CRLF3: variants seen among roughly 807,000 people sequenced by gnomAD.
CRLF3 encodes cytokine receptor-like factor 3.
Under a neutral mutation model 55.0 loss-of-function variants are expected in CRLF3, and 33 were observed. The observed-to-expected ratio is 0.60, with a 90% CI of 0.46 to 0.80. The LOEUF is 0.80. CRLF3 is among the 30% of genes least tolerant of loss of function. The pLI, the probability that CRLF3 is intolerant of heterozygous loss-of-function variation, is 0.00. For missense variants in CRLF3, 494 were observed against 538.4 expected (o/e 0.92, Z 0.82); for synonymous variants, 238 against 196.8 (o/e 1.21, Z -1.75).
intron 1 of CRLF3, among the ~76,000 whole-genome samples, chr17:30,811,100 A>T (rs1904602502): frequency 6.6e-6 from 1 of 152,040 alleles, no homozygotes; most frequent in African/African-American, 2.4e-5. Flanking sequence ...AAAATAACCA[A>T]ACAAACAAAA....
chr17:30,812,547 A>G (rs1337015274), intron 1 of CRLF3, among the ~76,000 whole-genome samples: 1 of 152,166 alleles, frequency 6.6e-6, no homozygotes, highest in Non-Finnish European at 1.5e-5. Context: ...TAGAAAAAAA[A>G]GTGCTTAATT....
intron 1 of CRLF3, among the ~76,000 whole-genome samples, chr17:30,817,002 A>T (rs1285856070): frequency 2.0e-5 from 3 of 152,102 alleles, no homozygotes; most frequent in Non-Finnish European, 4.4e-5. Flanking sequence ...TTGACTGTAT[A>T]TGTGTGGCTT....
chr17:30,792,171 TCTACTTACC>T (rs1197486272), intron 6 of CRLF3, among the ~76,000 whole-genome samples: 4 of 152,012 alleles, frequency 2.6e-5, no homozygotes, highest in African/African-American at 9.7e-5. Flanking sequence ...TGAGAGATAC[TCTACTTACC>T]TCTACTTACC....
chr17:30,785,790 AAAAAAAG>A (rs1971630271), intron 7 of CRLF3, 122 bp downstream of exon 7: 31 of 582,350 alleles, frequency 5.3e-5, no homozygotes, highest in Non-Finnish European at 8.3e-5. Context: ...ATAAAAAAAA[AAAAAAAG>A]AAAAAGAAAA....
intron 1 of CRLF3, among the ~76,000 whole-genome samples, chr17:30,814,675 T>A (rs1046820917): frequency 1.3e-4 from 20 of 150,564 alleles, no homozygotes; most frequent in Non-Finnish European, 2.7e-4. Flanking sequence ...AAAAAATAGT[T>A]CTCTATCAAA....
At chr17:30,793,404 T>TCTGTG in intron 5 of CRLF3, 46 bp downstream of exon 5, 2 of 1,456,282 alleles carry the variant, frequency 1.4e-6, no homozygotes, top group Non-Finnish European at 1.9e-6. Context: ...ATACAGGTAT[T>TCTGTG]CTAATATATA....
At chr17:30,824,351 C>T (rs1905078802) in intron 1 of CRLF3, among the ~76,000 whole-genome samples, 172 bp downstream of exon 1, 1 of 151,902 alleles carries the variant, frequency 6.6e-6, no homozygotes, top group Admixed American at 6.6e-5. Context: ...TACGACCTCC[C>T]CAACTCCCAC....
At chr17:30,820,095 T>A (rs984597629) in intron 1 of CRLF3, among the ~76,000 whole-genome samples, 1 of 152,228 alleles carries the variant, frequency 6.6e-6, no homozygotes, top group Non-Finnish European at 1.5e-5. Context: ...TAGGCCAAGT[T>A]GGCTGTAAAC....
At chr17:30,793,752 G>T in intron 4 of CRLF3, 80 bp from the exon 5 acceptor site, 1 of 971,770 alleles carries the variant, frequency 1.0e-6, no homozygotes, top group Non-Finnish European at 1.6e-6. Context: ...TTTGAACGGA[G>T]CCATTTTGGA....
Position 30,783,516 on chromosome 17 carries a change from CTGAGGCAGGAGGATCGCT to C in CRLF3, c.*653_*670del, listed in dbSNP as rs1971551555. ...CCTGTAATCCCAGCTACTCAGGAGCCTGAGGCAGGAGGATCGCTTGAACGTGGGAGGCAGAGGTTGCAG... is the reference window on the plus strand; with the variant it reads ...CCTGTAATCCCAGCTACTCAGGAGCCTGAACGTGGGAGGCAGAGGTTGCAG... On this transcript the variant is annotated 3_prime_UTR_variant, in exon 8 of 8. Transcript: ENST00000324238. The C allele has an allele frequency of 6.6e-6, 1 of 152,208 alleles. No homozygotes were observed. Among genetic ancestry groups the C allele is most frequent in the South Asian group, 2.1e-4 (1 of 4,828 alleles). The allele number at this position is 152,208 out of a possible 1,614,324, so 9.4% of individuals were successfully genotyped here. A position where few individuals can be genotyped will look rare whatever the true frequency, so the allele number is the denominator to read the frequency against.
chr17:30,809,249 T>C (rs190407619), intron 1 of CRLF3, among the ~76,000 whole-genome samples: 1 of 152,350 alleles, frequency 6.6e-6, no homozygotes, highest in East Asian at 1.9e-4. Flanking sequence ...ATTCACCTCC[T>C]GTACTCTCAT....
chr17:30,795,076 A>G (rs1480867106), intron 4 of CRLF3, among the ~76,000 whole-genome samples: 1 of 152,190 alleles, frequency 6.6e-6, no homozygotes, highest in Non-Finnish European at 1.5e-5. Flanking sequence ...TTATAGCAAA[A>G]AACTGGAAAT....
Position 30,796,317 on chromosome 17 carries a change from A to T in CRLF3, c.446T>A (p.Leu149Gln). 2 of 1,613,632 alleles carry T rather than the reference A, an allele frequency of 1.2e-6. No homozygotes were observed. Among genetic ancestry groups the T allele is most frequent in the Non-Finnish European group, 1.7e-6 (2 of 1,179,716 alleles). ...AGCAGATAAACAAGGCACATCAACC[A>T]GTAAAGGTACTTCTGGTAAGCTGAG... ...QLDSLPEVPL[L>Q]VDVPCLSAQL... Residue 149 changes from leucine to glutamine, a missense_variant, in exon 4 of 8, where the codon CTG becomes CAG. Transcript: ENST00000324238.
chr17:30,800,514 A>T (rs1329552373), intron 2 of CRLF3, among the ~76,000 whole-genome samples: 1 of 152,002 alleles, frequency 6.6e-6, no homozygotes, highest in Non-Finnish European at 1.5e-5. Context: ...TTTTGTTATC[A>T]CAAATCCTTT....
intron 1 of CRLF3, among the ~76,000 whole-genome samples, chr17:30,822,121 G>A (rs959283406): frequency 1.3e-5 from 2 of 148,970 alleles, no homozygotes; most frequent in Admixed American, 6.7e-5. Context: ...AAATCAGCAA[G>A]TAAAAAATAC....
chr17:30,784,356 A>T lies in CRLF3; in HGVS notation c.1160T>A (p.Val387Glu). 6.2e-7 allele frequency: 1 copy of T among 1,614,096 alleles called. No individual in the cohort carries two copies. Among genetic ancestry groups the T allele is most frequent in the Non-Finnish European group, 8.5e-7 (1 of 1,179,944 alleles). ...GSTVTFDIEA[V>E]TLGTTSNNEG... ...ATTATTACTGGTGGTTCCTAGAGTC[A>T]CGGCTTCAATGTCAAACGTGACAGT... is the stretch of plus-strand genomic sequence containing the variant. The change falls in exon 8 of 8, where the codon GTG becomes GAG. Residue 387 changes from valine to glutamate, a missense_variant. Coordinates refer to ENST00000324238, the MANE Select transcript of CRLF3 (RefSeq NM_015986.4).
rs954710361 is a variant in CRLF3 at position 30,804,028 on chromosome 17, C to T, written c.210G>A (p.Leu70=). The T allele has an allele frequency of 6.2e-7, 1 of 1,613,608 alleles. No individual in the cohort carries two copies. The highest frequency in any genetic ancestry group is 8.5e-7 in the Non-Finnish European group (1 of 1,179,916). ...GCAAAAGGGTCACCAATCGCTCATCCAGGAGCTTTCCAAGGGTTCCCTTTA... is the reference window on the plus strand; with the variant it reads ...GCAAAAGGGTCACCAATCGCTCATCTAGGAGCTTTCCAAGGGTTCCCTTTA... ...NDLKGTLGKL[L]DERLVTLLQE... Residue 70 remains leucine (L), a synonymous_variant, in exon 2 of 8, where the codon CTG becomes CTA. Coordinates refer to ENST00000324238, the MANE Select transcript of CRLF3 (RefSeq NM_015986.4).
Position 30,803,883 on chromosome 17 carries a change from G to A in CRLF3, c.337+18C>T. 1 of 1,580,378 alleles carries A rather than the reference G, an allele frequency of 6.3e-7. No homozygotes were observed. The highest frequency in any genetic ancestry group is 8.7e-7 in the Non-Finnish European group (1 of 1,151,310). ...AATGGACGAATGCACTAATACAACA[G>A]GCTCCCTGGTCCCCCACCTTCTCGG... On this transcript the variant is annotated intron_variant, in intron 2 of 7. Transcript: ENST00000324238.
intron 7 of CRLF3, among the ~76,000 whole-genome samples, chr17:30,785,556 G>A (rs922205523): frequency 8.6e-5 from 13 of 151,960 alleles, no homozygotes; most frequent in African/African-American, 2.9e-4. Flanking sequence ...ACCAAGGTGG[G>A]AGGATTGCTG....
Sources: allele counts gnomAD v4.1 joint callset (sites outside exome capture counted in the v4.1 genomes callset), GRCh38; gene constraint gnomAD v4.1.1; transcripts MANE v1.5; gene names NCBI Gene and HGNC (gene_info 2026-07-23, HGNC 2026-07-21).